C2CD3: variants seen among roughly 807,000 people sequenced by gnomAD.
C2CD3 encodes the protein C2 domain containing 3 centriole elongation regulator, also known as C2 domain-containing protein 3.
C2CD3 carries 148 observed loss-of-function variants against 234.0 expected under a neutral mutation model. The observed-to-expected ratio is 0.63, with a 90% CI of 0.55 to 0.72. The LOEUF is 0.72. Ranked by LOEUF, C2CD3 falls within the 30% of genes least tolerant of loss-of-function variation. C2CD3 has a pLI of 0.00. For synonymous variants in C2CD3, 1,000 were observed against 1,035.4 expected (o/e 0.97, Z 0.66); for missense variants, 2,577 against 2,811.5 (o/e 0.92, Z 1.89).
At chr11:74,138,647 G>C in intron 5 of C2CD3, 73 bp downstream of exon 5, 1 of 1,220,176 alleles carries the variant, frequency 8.2e-7, no homozygotes, top group Non-Finnish European at 1.2e-6. Flanking sequence ...GGTTCTCTTT[G>C]TAGGCTGGCT....
chr11:74,108,123 C>T (rs1417153854), intron 12 of C2CD3: 1 of 141,342 alleles, frequency 7.1e-6, no homozygotes, highest in Admixed American at 7.1e-5. Context: ...TACACTCCAG[C>T]CTGGGCGACA....
chr11:74,157,796 A>ACCGT (rs1276751380), intron 3 of C2CD3, among the ~76,000 whole-genome samples: 1 of 152,182 alleles, frequency 6.6e-6, no homozygotes, highest in African/African-American at 2.4e-5. Flanking sequence ...CAGAAGAGGG[A>ACCGT]CCATTCTATG....
Position 74,049,369 on chromosome 11 carries a change from C to G in C2CD3, c.5329G>C (p.Ala1777Pro), listed in dbSNP as rs370890163. The G allele has an allele frequency of 1.9e-6, 3 of 1,614,170 alleles. No homozygotes were observed. Among genetic ancestry groups the G allele is most frequent in the Admixed American group, 3.3e-5 (2 of 60,036 alleles). Residue 1777 changes from alanine to proline, a missense_variant, in exon 27 of 33, where the codon GCA (alanine) becomes CCA (proline). Physicochemically the swap from Ala to Pro is conservative, Grantham distance 27. Transcript: ENST00000334126. ...SLIHFKEERQ[A>P]RRGVETSKSL... ...TTTGAGGTCTCCACTCCACGCCTTGCTTGCCTTTCTTCTTTGAAGTGTATC... is the reference window on the plus strand; with the variant it reads ...TTTGAGGTCTCCACTCCACGCCTTGGTTGCCTTTCTTCTTTGAAGTGTATC...
intron 3 of C2CD3, among the ~76,000 whole-genome samples, chr11:74,154,953 G>A (rs948269697): frequency 6.6e-6 from 1 of 152,218 alleles, no homozygotes; most frequent in African/African-American, 2.4e-5. Context: ...AGCTGGTGAA[G>A]CATAAACACC....
chr11:74,021,849 G>C (rs1297357246), intron 32 of C2CD3, among the ~76,000 whole-genome samples: 1 of 152,170 alleles, frequency 6.6e-6, no homozygotes, highest in African/African-American at 2.4e-5. Flanking sequence ...GGGGGGGCTG[G>C]GCGCAGTGGC....
chr11:74,045,481 GAATAT>G (rs780001170), intron 28 of C2CD3, among the ~76,000 whole-genome samples: 16 of 152,198 alleles, frequency 1.1e-4, no homozygotes, highest in Non-Finnish European at 2.2e-4. Flanking sequence ...TCAACGTGGA[GAATAT>G]TGCCATCGTA....
At chr11:74,099,668 G>A (rs1378760344) in intron 15 of C2CD3, among the ~76,000 whole-genome samples, 2 of 152,128 alleles carry the variant, frequency 1.3e-5, no homozygotes, top group Non-Finnish European at 2.9e-5. Context: ...AGGCTGAGGC[G>A]GGCGGATCAT....
Position 74,114,439 on chromosome 11 carries a change from G to T in C2CD3, c.1675C>A (p.Pro559Thr), listed in dbSNP as rs1956856928. The T allele has an allele frequency of 1.2e-6, 2 of 1,613,896 alleles. No homozygotes were observed. The highest frequency in any genetic ancestry group is 1.1e-5 in the South Asian group (1 of 91,072). Residue 559 changes from proline to threonine, a missense_variant, in exon 10 of 33, where the codon CCT becomes ACT. Pro to Thr is a conservative substitution (Grantham distance 38). Coordinates refer to ENST00000334126, the MANE Select transcript of C2CD3 (RefSeq NM_001286577.2). Reference protein sequence around the residue: ...GVPPDSPQMTPGKKSYAGPPP... With the variant: ...GVPPDSPQMTTGKKSYAGPPP... ...GGACCAGCATAGCTTTTTTTGCCAG[G>T]GGTCATCTGAGGACTATCTGGAGGA...
intron 2 of C2CD3, chr11:74,164,282 C>T (rs1005410328): frequency 5.9e-5 from 57 of 958,546 alleles, no homozygotes; most frequent in Non-Finnish European, 6.8e-5. Flanking sequence ...GTAGTGTAGC[C>T]ATAATTTTCT....
intron 23 of C2CD3, among the ~76,000 whole-genome samples, chr11:74,077,771 GTATATATATATA>G (rs553597652): frequency 5.8e-5 from 4 of 69,198 alleles, no homozygotes; most frequent in South Asian, 6.2e-4. Context: ...AGAACTTACA[GTATATATATATA>G]TATATATATA....
In C2CD3 at chr11:74,132,951, A is replaced by G. The variant is rs765677025; in HGVS notation, c.1110T>C (p.Asn370=). Residue 370 remains asparagine, a synonymous_variant, in exon 7 of 33, where the codon AAT becomes AAC. Transcript: ENST00000334126. The part of the protein sequence containing the change: ...ASTQIRAFSR[N]RFKDHIEDHL... ...GATCTTCAATGTGGTCTTTAAACCG[A>G]TTCCTAGAAAAGGCTCTGATCCTAA... 13 of 1,613,810 alleles carry G rather than the reference A, an allele frequency of 8.1e-6. No homozygotes were observed. The highest frequency in any genetic ancestry group is 1.1e-5 in the Non-Finnish European group (13 of 1,179,852).
At position 74,139,764 on chromosome 11, in the gene C2CD3, T is replaced by C; in HGVS notation, c.548A>G (p.Asp183Gly). ...YDSYHPLPTTDMTENVLLSKQ... is the reference protein window; with the variant it reads ...YDSYHPLPTTGMTENVLLSKQ... ...AGATAAAAGCACATTTTCTGTCATGTCAGTGGTAGGAAGTGGATGGTAGCT... is the reference window on the plus strand; with the variant it reads ...AGATAAAAGCACATTTTCTGTCATGCCAGTGGTAGGAAGTGGATGGTAGCT... Residue 183 changes from aspartate to glycine, a missense_variant, in exon 4 of 33, where the codon GAC (aspartate) becomes GGC (glycine). Transcript: ENST00000334126. 1.2e-6 allele frequency: 2 copies of C among 1,613,862 alleles called. No individual in the cohort carries two copies. The highest frequency in any genetic ancestry group is 1.7e-6 in the Non-Finnish European group (2 of 1,179,760).
rs756446798 is a variant in C2CD3 at position 74,042,147 on chromosome 11, G to A, written c.5567C>T (p.Ser1856Phe). ...HVQNIRRFHE[S>F]LHLQGEAPLP... ...GGGTGCCTCTCCCTGAAGATGCAGG[G>A]ATTCATGAAACCGGCGAATGTTCTG... The change falls in exon 29 of 33, where the codon TCC becomes TTC. Residue 1856 changes from serine to phenylalanine, a missense_variant. Ser to Phe is a radical substitution (Grantham distance 155, BLOSUM62 -2). Transcript: ENST00000334126. 2 of 1,612,958 alleles carry A rather than the reference G, an allele frequency of 1.2e-6. No homozygotes were observed. Among genetic ancestry groups the A allele is most frequent in the South Asian group, 1.1e-5 (1 of 91,032 alleles).
intron 30 of C2CD3, 47 bp downstream of exon 30, chr11:74,037,431 G>C (rs1387431288): frequency 2.1e-6 from 3 of 1,417,644 alleles, no homozygotes; most frequent in Non-Finnish European, 3.0e-6. Context: ...TTTTGAATTA[G>C]CACCTAGTGA....
chr11:74,087,558 C>T (rs1955695263), intron 20 of C2CD3, among the ~76,000 whole-genome samples: 2 of 150,872 alleles, frequency 1.3e-5, no homozygotes, highest in South Asian at 4.2e-4. Flanking sequence ...GAGTGAAACT[C>T]CATCTCGAAA....
At chr11:74,113,959 C>A in intron 10 of C2CD3, 67 bp from the exon 11 acceptor site, 1 of 963,920 alleles carries the variant, frequency 1.0e-6, no homozygotes, top group Non-Finnish European at 1.6e-6. Flanking sequence ...CTGATAAATC[C>A]AACATATATT....
At chr11:74,089,323 CA>C (rs1277892082) in intron 20 of C2CD3, among the ~76,000 whole-genome samples, 1 of 152,126 alleles carries the variant, frequency 6.6e-6, no homozygotes, top group Non-Finnish European at 1.5e-5. Context: ...ATTAAACAAA[CA>C]AACAAACGAA....
At chr11:74,165,101 G>T (rs977269709) in intron 2 of C2CD3, among the ~76,000 whole-genome samples, 1 of 151,988 alleles carries the variant, frequency 6.6e-6, no homozygotes, top group African/African-American at 2.4e-5. Flanking sequence ...TAGATACGAA[G>T]AAATAAATAA....
chr11:74,027,065 A>C (rs1457184595), intron 32 of C2CD3, among the ~76,000 whole-genome samples: 1 of 152,076 alleles, frequency 6.6e-6, no homozygotes, highest in Non-Finnish European at 1.5e-5. Flanking sequence ...TATACACAGA[A>C]ATAATCATAG....
Sources: gnomAD v4.1 joint callset for allele counts (sites outside exome capture counted in the v4.1 genomes callset) on GRCh38, gnomAD v4.1.1 for gene constraint, MANE v1.5 for transcripts, NCBI Gene and HGNC (gene_info 2026-07-23, HGNC 2026-07-21) for gene names.